Variants in CDK8 observed in about 807,000 individuals in gnomAD.
The protein encoded by CDK8 is cyclin dependent kinase 8.
A neutral mutation model predicts 71.5 loss-of-function variants in CDK8; 29 were observed. The ratio of observed to expected loss-of-function variants is 0.41; its 90% CI spans 0.30 to 0.55. The LOEUF is 0.55. CDK8 is among the 20% of genes least tolerant of loss of function. The probability of loss-of-function intolerance (pLI) is 0.37; values close to 1 mark genes in which losing one functional copy is unlikely to be tolerated. For synonymous variants in CDK8, 161 were observed against 192.1 expected (o/e 0.84, Z 1.34); for missense variants, 288 against 572.6 (o/e 0.50, Z 5.07).
At chr13:26,255,150 C>T (rs1294680496) in intron 1 of CDK8, among the ~76,000 whole-genome samples, 1 of 152,014 alleles carries the variant, frequency 6.6e-6, no homozygotes. Flanking sequence ...TCCTCACCCG[C>T]CTCTGGAGTG....
chr13:26,272,096 CT>C (rs1396763190), intron 1 of CDK8, among the ~76,000 whole-genome samples: 1 of 151,740 alleles, frequency 6.6e-6, no homozygotes, highest in Non-Finnish European at 1.5e-5. Flanking sequence ...TTTTTTAAAA[CT>C]TTCTGATTCT....
At chr13:26,331,240 T>G (rs2137963573) in intron 1 of CDK8, among the ~76,000 whole-genome samples, 1 of 152,324 alleles carries the variant, frequency 6.6e-6, no homozygotes, top group East Asian at 1.9e-4. Flanking sequence ...TCTTTGTATG[T>G]CTTCTTTTGA....
At chr13:26,262,643 G>A (rs620267) in intron 1 of CDK8, among the ~76,000 whole-genome samples, 38,516 of 152,064 alleles carry the variant, frequency 0.25, 5,593 homozygotes, top group East Asian at 0.44. Flanking sequence ...TTTGAAAATT[G>A]AGCCACTAGA....
At chr13:26,372,912 T>C (rs369016524) in intron 4 of CDK8, among the ~76,000 whole-genome samples, 6 of 152,198 alleles carry the variant, frequency 3.9e-5, no homozygotes, top group African/African-American at 1.4e-4. Context: ...AACTAGACCC[T>C]GCAGTGCCTG....
chr13:26,393,263 A>C, intron 6 of CDK8, 104 bp from the exon 7 acceptor site: 1 of 688,140 alleles, frequency 1.5e-6, no homozygotes, highest in Non-Finnish European at 2.3e-6. Context: ...CCAAGAAAAT[A>C]AAATTGCATT....
At position 26,404,814 on chromosome 13, in the gene CDK8, G is replaced by A. The variant is rs1248948450; in HGVS notation, c.*733G>A. On this transcript the variant is annotated 3_prime_UTR_variant, in exon 13 of 13. Transcript: ENST00000381527. ...TGTTGTCATTGATATAAACCTGTTT[G>A]GTTCAGCAAACAAACTAAAATGATT... The A allele has an allele frequency of 4.6e-6, 1 of 217,454 alleles. No homozygotes were observed. Among genetic ancestry groups the A allele is most frequent in the Non-Finnish European group, 9.2e-6 (1 of 108,246 alleles). The allele number at this position is 217,454 out of a possible 1,614,324, so 13.5% of individuals were successfully genotyped here. A position where few individuals can be genotyped will look rare whatever the true frequency, so the allele number is the denominator to read the frequency against.
chr13:26,401,635 T>A lies in CDK8; in HGVS notation c.1269+11T>A, dbSNP rs775852754. The A allele has an allele frequency of 5.0e-6, 8 of 1,613,550 alleles. No individual in the cohort carries two copies. On this transcript the variant is annotated intron_variant, in intron 12 of 12. Coordinates refer to ENST00000381527, the MANE Select transcript of CDK8 (RefSeq NM_001260.3). The surrounding 1 kb of genome is among the most constrained non-coding windows in gnomAD (Gnocchi z 4.5). ...ACCTCAGACTATCAGGTATTCCAAG[T>A]TTATTTTGTATTGACTGCATGTCAG...
rs1356094780 is a variant in CDK8 at position 26,401,262 on chromosome 13, T to C, written c.1032-7T>C. On this transcript the variant is annotated splice_region_variant and splice_polypyrimidine_tract_variant and intron_variant, in intron 10 of 12. Coordinates refer to ENST00000381527, the MANE Select transcript of CDK8 (RefSeq NM_001260.3). This position sits in a 1 kb window ranked among gnomAD's most constrained non-coding sequence, Gnocchi z 4.5. ...CCAGAAATGGTTTTTCTTTTTCTTATGATCAGCGTTTTTGCCGGTTGTCAA... is the reference window on the plus strand; with the variant it reads ...CCAGAAATGGTTTTTCTTTTTCTTACGATCAGCGTTTTTGCCGGTTGTCAA... 3.7e-6 allele frequency: 6 copies of C among 1,610,696 alleles called. No homozygotes were observed. The African/African-American group carries it at 4.0e-5, about 11-fold the overall frequency.
At chr13:26,261,251 T>C (rs1292167391) in intron 1 of CDK8, among the ~76,000 whole-genome samples, 1 of 152,220 alleles carries the variant, frequency 6.6e-6, no homozygotes, top group Non-Finnish European at 1.5e-5. Context: ...GATGGAGTTA[T>C]GTTCTTCAGA....
Position 26,369,872 on chromosome 13 carries a change from A to T in CDK8, c.457-12942A>T, listed in dbSNP as rs149642683. ...TGCTCAGCCGGTTGGACGATTTTTG[A>T]CTATCATTTCAATTTCTTTAGTAAT... On this transcript the variant is annotated intron_variant, in intron 4 of 12. Transcript: ENST00000381527. Among the ~76,000 whole-genome samples the T allele has an allele frequency of 4.4e-3, 664 of 151,918 alleles. 5 individuals carry two copies. The highest frequency in any genetic ancestry group is 0.014 in the South Asian group (69 of 4,812).
intron 1 of CDK8, among the ~76,000 whole-genome samples, chr13:26,277,688 T>G (rs1012647354): frequency 6.6e-6 from 1 of 152,226 alleles, no homozygotes; most frequent in Non-Finnish European, 1.5e-5. Context: ...CTCAGCCTGA[T>G]GAACTGTTGT....
At chr13:26,313,647 G>A (rs1874386652) in intron 1 of CDK8, among the ~76,000 whole-genome samples, 1 of 152,190 alleles carries the variant, frequency 6.6e-6, no homozygotes, top group African/African-American at 2.4e-5. Flanking sequence ...AATCTCCAAA[G>A]TGTATGTTAA....
chr13:26,379,683 A>C lies in CDK8; in HGVS notation c.457-3131A>C, dbSNP rs563781618. 3.2e-4 allele frequency among the ~76,000 whole-genome samples: 48 copies of C among 152,328 alleles called. No individual in the cohort carries two copies. In the South Asian group the frequency reaches 9.7e-3, roughly 31 times the overall value. On this transcript the variant is annotated intron_variant, in intron 4 of 12. Coordinates refer to ENST00000381527, the MANE Select transcript of CDK8 (RefSeq NM_001260.3). The stretch of plus-strand genomic sequence containing the variant: ...AGATAGACAGAGGAGAGACATGTGC[A>C]TGTATTCGTTGTGCTTTTGCCAGAT...
chr13:26,384,820 A>T (rs535406122), intron 5 of CDK8, among the ~76,000 whole-genome samples: 1 of 152,320 alleles, frequency 6.6e-6, no homozygotes, highest in South Asian at 2.1e-4. Flanking sequence ...AGGCTTGTTG[A>T]TGGAAATAAT....
rs566280682 is a variant in CDK8, at chr13:26,384,814, T to G, written c.515-397T>G. ...TGATTAATTATACCAGTGAACAGGCTTGTTGATGGAAATAATGGAAAGCCT... is the reference window on the plus strand; with the variant it reads ...TGATTAATTATACCAGTGAACAGGCGTGTTGATGGAAATAATGGAAAGCCT... On this transcript the variant is annotated intron_variant, in intron 5 of 12. Transcript: ENST00000381527. Among the ~76,000 whole-genome samples the G allele has an allele frequency of 4.6e-5, 7 of 152,326 alleles. No homozygotes were observed. In the South Asian group the frequency reaches 1.5e-3, roughly 32 times the overall value.
chr13:26,390,880 A>G, intron 6 of CDK8, among the ~76,000 whole-genome samples: 1 of 152,142 alleles, frequency 6.6e-6, no homozygotes, highest in East Asian at 1.9e-4. Flanking sequence ...AGCTACCTAT[A>G]AGCATCACAC....
At chr13:26,297,374 G>T (rs572837882) in intron 1 of CDK8, among the ~76,000 whole-genome samples, 1 of 152,248 alleles carries the variant, frequency 6.6e-6, no homozygotes, top group Admixed American at 6.5e-5. Context: ...GGAAGATAAA[G>T]AACAGAATAA....
intron 1 of CDK8, among the ~76,000 whole-genome samples, chr13:26,328,552 G>A (rs1875132013): frequency 6.6e-6 from 1 of 152,180 alleles, no homozygotes; most frequent in Admixed American, 6.5e-5. Flanking sequence ...ACAATGCAGA[G>A]CTAGTCTAGA....
intron 1 of CDK8, among the ~76,000 whole-genome samples, chr13:26,305,698 T>A (rs557935877): frequency 6.6e-6 from 1 of 152,326 alleles, no homozygotes; most frequent in South Asian, 2.1e-4. Context: ...TCCAGTTGAT[T>A]AATCATTTCT....
Sources: allele counts gnomAD v4.1 joint callset (sites outside exome capture counted in the v4.1 genomes callset), GRCh38; gene constraint gnomAD v4.1.1; non-coding constraint Gnocchi (gnomAD v3.1); transcripts MANE v1.5; gene names NCBI Gene and HGNC (gene_info 2026-07-23, HGNC 2026-07-21).